The following SLC14A2 variants were observed in gnomAD, a reference collection of about 807,000 sequenced individuals.
SLC14A2 encodes the protein urea transporter 2.
Under a neutral mutation model 104.6 loss-of-function variants are expected in SLC14A2, and 91 were observed. The ratio of observed to expected loss-of-function variants is 0.87; its 90% CI spans 0.73 to 1.04. The LOEUF is 1.04. SLC14A2 is among the 50% of genes least tolerant of loss of function. The pLI is 0.00. For missense variants in SLC14A2, 1,189 were observed against 1,156.0 expected, an observed-to-expected ratio of 1.03 and a Z score of -0.41; for synonymous variants, 476 against 466.4, an observed-to-expected ratio of 1.02 and a Z score of -0.27.
At chr18:45,551,327 C>T (rs1047702867) in intron 2 of SLC14A2, among the ~76,000 whole-genome samples, 61 of 152,150 alleles carry the variant, frequency 4.0e-4, no homozygotes, top group Non-Finnish European at 4.1e-4. Context: ...ATTCCAACTC[C>T]CCAATACCCA....
intron 1 of SLC14A2, among the ~76,000 whole-genome samples, chr18:45,348,673 C>T (rs539027959): frequency 2.6e-5 from 4 of 152,206 alleles, no homozygotes; most frequent in South Asian, 2.1e-4. Context: ...TAATTCTGTA[C>T]GTGCCATATC....
chr18:45,472,649 T>C (rs1468107510), intron 1 of SLC14A2, among the ~76,000 whole-genome samples: 1 of 152,252 alleles, frequency 6.6e-6, no homozygotes, highest in African/African-American at 2.4e-5. Flanking sequence ...TTTTTTCATA[T>C]GTTTGTTGGT....
chr18:45,371,247 C>A (rs1176635532), intron 1 of SLC14A2, among the ~76,000 whole-genome samples: 1 of 152,150 alleles, frequency 6.6e-6, no homozygotes, highest in Non-Finnish European at 1.5e-5. Context: ...CTTCTGTTCA[C>A]CAAACTGGAC....
At chr18:45,557,833 AAGC>A (rs1440321401) in intron 2 of SLC14A2, among the ~76,000 whole-genome samples, 1 of 151,992 alleles carries the variant, frequency 6.6e-6, no homozygotes, top group Non-Finnish European at 1.5e-5. Context: ...TCACACCCTA[AAGC>A]AGGTTAGGCA....
intron 1 of SLC14A2, among the ~76,000 whole-genome samples, chr18:45,214,271 T>A (rs2083987904): frequency 6.6e-6 from 1 of 152,226 alleles, no homozygotes; most frequent in Admixed American, 6.5e-5. Context: ...TGGGTTTGTT[T>A]TGGCAACAGT....
At chr18:45,449,533 AC>A (rs1203391200) in intron 1 of SLC14A2, among the ~76,000 whole-genome samples, 3 of 152,118 alleles carry the variant, frequency 2.0e-5, no homozygotes, top group Admixed American at 6.5e-5. Context: ...AGTGCTGGAC[AC>A]CCAGTCAGGC....
intron 1 of SLC14A2, among the ~76,000 whole-genome samples, chr18:45,615,947 C>A (rs984154297): frequency 4.6e-5 from 7 of 151,950 alleles, no homozygotes; most frequent in Admixed American, 3.3e-4. Context: ...CAGGAAGGCA[C>A]CATGGCCATG....
chr18:45,535,780 A>G (rs377191708), intron 2 of SLC14A2, among the ~76,000 whole-genome samples: 62 of 152,332 alleles, frequency 4.1e-4, no homozygotes, highest in African/African-American at 1.5e-3. Flanking sequence ...GTAAAATAGG[A>G]AAAGGAAAGA....
intron 1 of SLC14A2, among the ~76,000 whole-genome samples, chr18:45,477,371 G>T (rs530156845): frequency 2.6e-5 from 4 of 152,132 alleles, no homozygotes; most frequent in East Asian, 1.9e-4. Context: ...TCCCAGGGGG[G>T]TACCCACAAG....
chr18:45,306,335 T>C (rs1005063445), intron 1 of SLC14A2, among the ~76,000 whole-genome samples: 12 of 152,178 alleles, frequency 7.9e-5, no homozygotes, highest in African/African-American at 2.9e-4. Flanking sequence ...TATTTCCCCA[T>C]GCATAGGAGT....
intron 1 of SLC14A2, among the ~76,000 whole-genome samples, chr18:45,260,519 T>C (rs943030916): frequency 1.3e-5 from 2 of 152,186 alleles, no homozygotes; most frequent in African/African-American, 4.8e-5. Flanking sequence ...CATATGTTCA[T>C]TGCAGCACTA....
At chr18:45,521,834 C>T (rs1228693890) in intron 2 of SLC14A2, among the ~76,000 whole-genome samples, 2 of 152,022 alleles carry the variant, frequency 1.3e-5, no homozygotes, top group Non-Finnish European at 2.9e-5. Flanking sequence ...TTCTGGGACT[C>T]AAGCTGAGGG....
At chr18:45,520,650 G>A (rs995671437) in intron 2 of SLC14A2, among the ~76,000 whole-genome samples, 1 of 152,168 alleles carries the variant, frequency 6.6e-6, no homozygotes, top group African/African-American at 2.4e-5. Flanking sequence ...TATGGCCCAT[G>A]AGACAAGAAG....
intron 2 of SLC14A2, among the ~76,000 whole-genome samples, chr18:45,526,730 G>A (rs993536007): frequency 6.6e-6 from 1 of 152,062 alleles, no homozygotes; most frequent in Non-Finnish European, 1.5e-5. Flanking sequence ...GGAAGAGGAA[G>A]GGGAAATACA....
intron 3 of SLC14A2, 138 bp from the exon 4 acceptor site, chr18:45,626,820 A>ACCCCCAC: frequency 5.4e-6 from 1 of 185,470 alleles, no homozygotes. Flanking sequence ...CCACCCCTCC[A>ACCCCCAC]CCCCGACCCC....
chr18:45,667,069 GA>G lies in SLC14A2; in HGVS notation c.1694del (p.Lys565ArgfsTer27), dbSNP rs2046038242. 2.5e-5 allele frequency: 40 copies of G among 1,613,740 alleles called. No individual in the cohort carries two copies. Among genetic ancestry groups the G allele is most frequent in the Non-Finnish European group, 3.2e-5 (38 of 1,179,808 alleles). ...KALSYITGEM[K>X]ECGEGLKDKS... The stretch of plus-strand genomic sequence containing the variant: ...CCCTCAGCTACATCACAGGAGAGAT[GA>G]AGGAGTGTGGAGAGGGACTTAAAGG... On this transcript the variant is annotated frameshift_variant, in exon 13 of 20. Transcript: ENST00000255226. LOFTEE classifies it high-confidence loss of function.
intron 1 of SLC14A2, among the ~76,000 whole-genome samples, chr18:45,478,009 C>A (rs1290364961): frequency 6.6e-6 from 1 of 152,146 alleles, no homozygotes; most frequent in African/African-American, 2.4e-5. Context: ...GTCTCACTGG[C>A]GTTCCAGGTG....
At chr18:45,503,464 A>G (rs2043231115) in intron 2 of SLC14A2, among the ~76,000 whole-genome samples, 1 of 151,934 alleles carries the variant, frequency 6.6e-6, no homozygotes, top group Non-Finnish European at 1.5e-5. Context: ...TCTGGTTCTT[A>G]TTTTTCCTCC....
At chr18:45,470,994 G>C (rs2087237911) in intron 1 of SLC14A2, among the ~76,000 whole-genome samples, 1 of 151,902 alleles carries the variant, frequency 6.6e-6, no homozygotes, top group Admixed American at 6.6e-5. Context: ...GTTTGTGTGT[G>C]TGTGTGTGTT....
Sources: allele counts gnomAD v4.1 joint callset (sites outside exome capture counted in the v4.1 genomes callset), GRCh38; gene constraint gnomAD v4.1.1; transcripts MANE v1.5; gene names NCBI Gene and HGNC (gene_info 2026-07-23, HGNC 2026-07-21).